The following WDR70 variants were observed in gnomAD, a reference collection of about 807,000 sequenced individuals.
The protein encoded by WDR70 is WD repeat-containing protein 70.
Under a neutral mutation model 88.6 loss-of-function variants are expected in WDR70, and 53 were observed. The observed-to-expected ratio is 0.60, with a 90% CI of 0.48 to 0.75. The LOEUF is 0.75. WDR70 is among the 30% of genes least tolerant of loss of function. The probability of loss-of-function intolerance (pLI) is 0.00; values close to 1 mark genes in which losing one functional copy is unlikely to be tolerated. For missense variants in WDR70, 610 were observed against 823.2 expected, an observed-to-expected ratio of 0.74 and a Z score of 3.17; for synonymous variants, 280 against 270.0, an observed-to-expected ratio of 1.04 and a Z score of -0.36.
At chr5:37,495,986 A>G (rs1740204287) in intron 8 of WDR70, among the ~76,000 whole-genome samples, 4 of 152,200 alleles carry the variant, frequency 2.6e-5, no homozygotes, top group Admixed American at 2.6e-4. Context: ...TTAACAGTAA[A>G]GGTGACCACA....
chr5:37,628,163 A>G (rs1254009534), intron 10 of WDR70, among the ~76,000 whole-genome samples: 1 of 152,144 alleles, frequency 6.6e-6, no homozygotes. Flanking sequence ...GCCTCAAGTG[A>G]TCCTCTGCCT....
chr5:37,396,272 G>A lies in WDR70; in HGVS notation c.297-103G>A, dbSNP rs7732929. ...ATTTAAAAAAATTAAAAAATACCCA[G>A]TTGTTAATAGGAGAGGAAAAGTATC... On this transcript the variant is annotated intron_variant, in intron 4 of 17. Transcript: ENST00000265107. 0.023 allele frequency: 31,004 copies of A among 1,376,964 alleles called. 4,530 individuals are homozygous for A. In the African/African-American group the frequency reaches 0.36, roughly 16 times the overall value. 85.3% of individuals were successfully genotyped at this position (1,376,964 alleles called of 1,614,324 possible).
chr5:37,467,489 A>G (rs62361482), intron 7 of WDR70, among the ~76,000 whole-genome samples: 2 of 148,728 alleles, frequency 1.3e-5, no homozygotes, highest in Non-Finnish European at 3.0e-5. Context: ...TAAAGGCCAC[A>G]CCTCCCAATA....
chr5:37,448,918 A>G (rs1738579467), intron 7 of WDR70, among the ~76,000 whole-genome samples: 1 of 152,094 alleles, frequency 6.6e-6, no homozygotes. Flanking sequence ...TGCTTTTCTC[A>G]TGGTTAGATT....
At chr5:37,545,587 G>A (rs1343642955) in intron 9 of WDR70, among the ~76,000 whole-genome samples, 2 of 150,998 alleles carry the variant, frequency 1.3e-5, no homozygotes, top group South Asian at 2.1e-4. Flanking sequence ...AGGCTGGAGC[G>A]CAGTGGCTGA....
intron 9 of WDR70, among the ~76,000 whole-genome samples, chr5:37,527,320 AG>A (rs1741315316): frequency 6.6e-6 from 1 of 152,230 alleles, no homozygotes; most frequent in Admixed American, 6.5e-5. Flanking sequence ...GCCCTCAGAA[AG>A]AATACCACAC....
chr5:37,423,094 G>C (rs1435666648), intron 5 of WDR70, among the ~76,000 whole-genome samples: 1 of 151,962 alleles, frequency 6.6e-6, no homozygotes. Context: ...AGTGAGGGGG[G>C]GCCTTCTCAG....
chr5:37,551,396 T>C (rs1742140861), intron 9 of WDR70, among the ~76,000 whole-genome samples: 1 of 152,046 alleles, frequency 6.6e-6, no homozygotes, highest in Non-Finnish European at 1.5e-5. Context: ...CTTTTTGTTA[T>C]TACTATTTAT....
intron 9 of WDR70, among the ~76,000 whole-genome samples, chr5:37,557,266 T>C (rs990574425): frequency 6.6e-6 from 1 of 150,464 alleles, no homozygotes; most frequent in African/African-American, 2.5e-5. Flanking sequence ...AAATCACTGA[T>C]GTTAATGACC....
intron 9 of WDR70, among the ~76,000 whole-genome samples, chr5:37,525,654 G>T (rs1017555257): frequency 2.6e-5 from 4 of 152,098 alleles, no homozygotes; most frequent in African/African-American, 9.7e-5. Context: ...AGGAAATAGA[G>T]ACACAAAAAA....
chr5:37,415,925 G>A (rs537569531), intron 5 of WDR70, among the ~76,000 whole-genome samples: 1 of 152,064 alleles, frequency 6.6e-6, no homozygotes, highest in East Asian at 2.0e-4. Context: ...CCGCCGGGCA[G>A]AGACGCTCCT....
At chr5:37,623,909 C>T (rs916793598) in intron 10 of WDR70, among the ~76,000 whole-genome samples, 3 of 152,100 alleles carry the variant, frequency 2.0e-5, no homozygotes, top group Admixed American at 2.0e-4. Flanking sequence ...AATAATTATA[C>T]ATATCCATGG....
intron 10 of WDR70, among the ~76,000 whole-genome samples, chr5:37,628,170 G>A (rs1170656978): frequency 6.6e-6 from 1 of 152,130 alleles, no homozygotes; most frequent in African/African-American, 2.4e-5. Flanking sequence ...GTGATCCTCT[G>A]CCTTGGCCTC....
chr5:37,394,053 T>G (rs960570969), intron 4 of WDR70, among the ~76,000 whole-genome samples: 2 of 152,070 alleles, frequency 1.3e-5, no homozygotes, highest in African/African-American at 4.8e-5. Context: ...ATGCCTGTAA[T>G]CCCAGCACTT....
At chr5:37,535,292 CA>C (rs1209495879) in intron 9 of WDR70, among the ~76,000 whole-genome samples, 28 of 150,290 alleles carry the variant, frequency 1.9e-4, no homozygotes, top group Non-Finnish European at 4.0e-4. Context: ...TTTTCCTGGA[CA>C]AAATCCTATT....
rs541711277 is a variant in WDR70, at chr5:37,753,172, A to T, written c.*599A>T. 1 of 152,170 alleles carries T rather than the reference A, an allele frequency of 6.6e-6. No homozygotes were observed. Among genetic ancestry groups the T allele is most frequent in the Non-Finnish European group, 1.5e-5 (1 of 68,056 alleles). The allele number at this position is 152,170 out of a possible 1,614,324, so 9.4% of individuals were successfully genotyped here. A position where few individuals can be genotyped will look rare whatever the true frequency, so the allele number is the denominator to read the frequency against. On this transcript the variant is annotated 3_prime_UTR_variant, in exon 18 of 18. Coordinates refer to ENST00000265107, the MANE Select transcript of WDR70 (RefSeq NM_018034.4). ...CTTTACTTCTGGGTCATCTTAAGAG[A>T]GTTATTTAACTTTTCTTTTCTAGCC...
chr5:37,455,336 C>A (rs1487676866), intron 7 of WDR70, among the ~76,000 whole-genome samples: 1 of 151,318 alleles, frequency 6.6e-6, no homozygotes, highest in East Asian at 1.9e-4. Context: ...CCTCTGCCTC[C>A]CAGGTTCAAG....
At chr5:37,402,221 A>G (rs1749217709) in intron 5 of WDR70, among the ~76,000 whole-genome samples, 2 of 151,618 alleles carry the variant, frequency 1.3e-5, no homozygotes, top group South Asian at 2.1e-4. Flanking sequence ...ACTTAACACA[A>G]TGTCCTGTAA....
At chr5:37,692,396 C>A (rs929630491) in intron 10 of WDR70, among the ~76,000 whole-genome samples, 1 of 152,132 alleles carries the variant, frequency 6.6e-6, no homozygotes, top group Non-Finnish European at 1.5e-5. Flanking sequence ...ATACCAAAGG[C>A]TGGCAGAGAC....
Sources: gnomAD v4.1 joint callset for allele counts (sites outside exome capture counted in the v4.1 genomes callset) on GRCh38, gnomAD v4.1.1 for gene constraint, MANE v1.5 for transcripts, NCBI Gene and HGNC (gene_info 2026-07-23, HGNC 2026-07-21) for gene names.